FUT8: variants seen among roughly 807,000 people sequenced by gnomAD.
The protein encoded by FUT8 is alpha-(1,6)-fucosyltransferase.
A neutral mutation model predicts 71.3 loss-of-function variants in FUT8; 29 were observed. The ratio of observed to expected loss-of-function variants is 0.41; its 90% CI spans 0.30 to 0.55. The LOEUF (loss-of-function observed/expected upper bound fraction) is 0.55. Ranked by LOEUF, FUT8 falls within the 20% of genes least tolerant of loss-of-function variation. The pLI is 0.34. For synonymous variants in FUT8, 254 were observed against 239.3 expected, an observed-to-expected ratio of 1.06 and a Z score of -0.57; for missense variants, 544 against 702.1, an observed-to-expected ratio of 0.77 and a Z score of 2.55.
chr14:65,488,747 T>A (rs931812097), intron 2 of FUT8, among the ~76,000 whole-genome samples: 6 of 152,184 alleles, frequency 3.9e-5, no homozygotes, highest in African/African-American at 1.4e-4. Context: ...AATACCAGAC[T>A]GTGTTGGTTA....
intron 7 of FUT8, among the ~76,000 whole-genome samples, chr14:65,710,384 TATA>T (rs1466545077): frequency 2.6e-5 from 4 of 152,318 alleles, no homozygotes; most frequent in Non-Finnish European, 5.9e-5. Flanking sequence ...GAATAGAATA[TATA>T]ATGTTATATG....
At chr14:65,565,470 T>C (rs1886145622) in intron 3 of FUT8, among the ~76,000 whole-genome samples, 1 of 152,018 alleles carries the variant, frequency 6.6e-6, no homozygotes, top group Admixed American at 6.6e-5. Flanking sequence ...CTATTAACCT[T>C]TGTTTCATAA....
chr14:65,615,510 A>G lies in FUT8; in HGVS notation c.204-468A>G, dbSNP rs75064109. ...GTCATGAATTGAAAGACAGATTTAC[A>G]TAGTCTGATATTATAATTAATTTAG... On this transcript the variant is annotated intron_variant, in intron 3 of 10. Transcript: ENST00000673929. 4.9e-3 allele frequency among the ~76,000 whole-genome samples: 753 copies of G among 152,332 alleles called. 7 individuals are homozygous for G. Among genetic ancestry groups the G allele is most frequent in the African/African-American group, 0.017 (715 of 41,586 alleles).
intron 3 of FUT8, among the ~76,000 whole-genome samples, chr14:65,584,325 GC>G (rs1887259351): frequency 6.6e-6 from 1 of 151,946 alleles, no homozygotes; most frequent in Non-Finnish European, 1.5e-5. Context: ...ATTATAGGCG[GC>G]CACCACCACA....
intron 2 of FUT8, among the ~76,000 whole-genome samples, chr14:65,544,980 T>A (rs1187145528): frequency 1.3e-5 from 2 of 151,764 alleles, no homozygotes; most frequent in Non-Finnish European, 1.5e-5. Context: ...TCCTCTCCTC[T>A]TCCTTCCCCT....
chr14:65,518,722 T>A (rs1882875928), intron 2 of FUT8, among the ~76,000 whole-genome samples: 1 of 152,064 alleles, frequency 6.6e-6, no homozygotes, highest in Admixed American at 6.6e-5. Flanking sequence ...AGATGGTGTT[T>A]CGCCATGGGC....
chr14:65,558,502 GTCTT>G (rs1191768557), intron 2 of FUT8, among the ~76,000 whole-genome samples: 2 of 152,008 alleles, frequency 1.3e-5, no homozygotes. Flanking sequence ...ACCATTTGCT[GTCTT>G]AAGTAGGGCA....
In FUT8 at chr14:65,734,422, G is replaced by A. The variant is rs140480091; in HGVS notation, c.1410+1041G>A. On this transcript the variant is annotated intron_variant, in intron 10 of 10. Transcript: ENST00000673929. ...GATTTTTGGAAAGATACCTTGCCAG[G>A]CAAAGGTTACAGATTCCTTTAATAT... Among the ~76,000 whole-genome samples the A allele has an allele frequency of 1.4e-4, 22 of 152,244 alleles. No individual in the cohort carries two copies. In the East Asian group the frequency reaches 4.2e-3, roughly 29 times the overall value.
At chr14:65,528,686 G>T (rs1482383139) in intron 2 of FUT8, 1 of 152,126 alleles carries the variant, frequency 6.6e-6, no homozygotes, top group Non-Finnish European at 1.5e-5. Context: ...TGGCCATCTT[G>T]GAACCATTGA....
the FUT8 span, among the ~76,000 whole-genome samples, chr14:65,371,313 A>T: frequency 2.1e-3 from 322 of 152,336 alleles, 1 homozygote; most frequent in African/African-American, 7.4e-3. Context: ...TTTAATGTAT[A>T]TTTCCTACAA....
At chr14:65,718,517 GT>G (rs1279263961) in intron 7 of FUT8, among the ~76,000 whole-genome samples, 1 of 152,154 alleles carries the variant, frequency 6.6e-6, no homozygotes, top group Non-Finnish European at 1.5e-5. Context: ...CAATTACAGT[GT>G]TATAAAATTA....
the FUT8 span, among the ~76,000 whole-genome samples, chr14:65,387,753 T>C: frequency 6.6e-6 from 1 of 152,234 alleles, no homozygotes; most frequent in Admixed American, 6.5e-5. Flanking sequence ...GTTTTTCTTC[T>C]TTCAAAGATC....
chr14:65,668,135 G>GAT (rs575624576), intron 6 of FUT8, among the ~76,000 whole-genome samples: 78 of 152,192 alleles, frequency 5.1e-4, no homozygotes, highest in South Asian at 1.4e-3. Flanking sequence ...AGAAAACCTA[G>GAT]GGAATACCAT....
chr14:65,743,864 A>G lies in FUT8; in HGVS notation c.*1454A>G, dbSNP rs1896615891. Reference sequence around the variant, plus strand: ...GGCCTGGTAGGTGTTACTGCATTCTAAAAGAAAAATGTCATCTCTGTAGGA... The same window carrying G: ...GGCCTGGTAGGTGTTACTGCATTCTGAAAGAAAAATGTCATCTCTGTAGGA... On this transcript the variant is annotated 3_prime_UTR_variant, in exon 11 of 11. Transcript: ENST00000673929. The G allele has an allele frequency of 6.6e-6, 1 of 151,862 alleles. No individual in the cohort carries two copies. The highest frequency in any genetic ancestry group is 1.5e-5 in the Non-Finnish European group (1 of 67,850). 9.4% of individuals were successfully genotyped at this position (151,862 alleles called of 1,614,324 possible).
chr14:65,630,728 G>A (rs1890139361), intron 6 of FUT8, among the ~76,000 whole-genome samples: 1 of 152,132 alleles, frequency 6.6e-6, no homozygotes, highest in African/African-American at 2.4e-5. Context: ...TGAAATGGCT[G>A]GGATAATGGG....
intron 2 of FUT8, among the ~76,000 whole-genome samples, chr14:65,526,990 T>G (rs1477791603): frequency 1.3e-5 from 2 of 152,236 alleles, no homozygotes; most frequent in African/African-American, 4.8e-5. Context: ...CTGGCTGCCC[T>G]TAACATTTTT....
At chr14:65,730,741 A>G (rs561366093) in intron 9 of FUT8, among the ~76,000 whole-genome samples, 2 of 152,304 alleles carry the variant, frequency 1.3e-5, no homozygotes, top group East Asian at 1.9e-4. Flanking sequence ...AGCCATTGCT[A>G]TTGTGGCGAT....
At chr14:65,682,187 G>A (rs1257026792) in intron 7 of FUT8, among the ~76,000 whole-genome samples, 1 of 152,180 alleles carries the variant, frequency 6.6e-6, no homozygotes, top group Non-Finnish European at 1.5e-5. Flanking sequence ...GGTTAGTGAT[G>A]TTATTATAAA....
intron 3 of FUT8, among the ~76,000 whole-genome samples, chr14:65,591,929 G>A (rs1887711387): frequency 6.7e-6 from 1 of 148,486 alleles, no homozygotes; most frequent in Admixed American, 6.8e-5. Context: ...GTCACATACT[G>A]TAACAATTTG....
Sources: allele counts gnomAD v4.1 joint callset (sites outside exome capture counted in the v4.1 genomes callset), GRCh38; gene constraint gnomAD v4.1.1; transcripts MANE v1.5; gene names NCBI Gene and HGNC (gene_info 2026-07-23, HGNC 2026-07-21).